ANKRD44: variants seen among roughly 807,000 people sequenced by gnomAD.
ANKRD44 encodes ankyrin repeat domain 44.
In ANKRD44, 35 loss-of-function variants were observed where a neutral mutation model predicts 116.0. That is an observed-to-expected ratio of 0.30 (90% CI 0.23 to 0.40). ANKRD44 has a LOEUF of 0.40. ANKRD44 is among the 10% of genes least tolerant of loss of function. The probability of loss-of-function intolerance (pLI) is 1.00; values close to 1 mark genes in which losing one functional copy is unlikely to be tolerated. For missense variants in ANKRD44, 1,014 were observed against 1,242.6 expected (o/e 0.82, Z 2.77); for synonymous variants, 435 against 461.8 (o/e 0.94, Z 0.74).
At chr2:197,192,453 C>T (rs763577028) in intron 1 of ANKRD44, among the ~76,000 whole-genome samples, 3 of 152,150 alleles carry the variant, frequency 2.0e-5, no homozygotes, top group Non-Finnish European at 2.9e-5. Flanking sequence ...TTTGATATTC[C>T]TAAACATCTG....
At chr2:197,076,951 C>T (rs6750248) in intron 16 of ANKRD44, among the ~76,000 whole-genome samples, 139,472 of 152,284 alleles carry the variant, frequency 0.92, 64,209 homozygotes, top group East Asian at 1. Context: ...TTGTAAATAA[C>T]GCTGCAATGA....
chr2:196,967,912 ACTCTCTCTCTCTCT>A (rs35734167), intron 21 of ANKRD44, among the ~76,000 whole-genome samples: 1 of 140,864 alleles, frequency 7.1e-6, no homozygotes, highest in Non-Finnish European at 1.5e-5. Flanking sequence ...ATGGCTTGGC[ACTCTCTCTCTCTCT>A]CTCTCTCTCT....
intron 16 of ANKRD44, among the ~76,000 whole-genome samples, chr2:197,061,397 C>T (rs566454951): frequency 6.6e-6 from 1 of 152,318 alleles, no homozygotes; most frequent in Admixed American, 6.5e-5. Context: ...AGCCCCTGCA[C>T]TGTCATGAGT....
chr2:197,047,778 T>C (rs2077029837), intron 16 of ANKRD44, among the ~76,000 whole-genome samples: 1 of 151,994 alleles, frequency 6.6e-6, no homozygotes, highest in African/African-American at 2.4e-5. Flanking sequence ...GGCATGGTGG[T>C]GTGTGCCTGT....
chr2:196,975,061 C>T (rs1022305545), intron 21 of ANKRD44, among the ~76,000 whole-genome samples: 1 of 152,038 alleles, frequency 6.6e-6, no homozygotes, highest in East Asian at 1.9e-4. Context: ...AAGTGACAAA[C>T]TTCTACCACG....
intron 3 of ANKRD44, among the ~76,000 whole-genome samples, chr2:197,145,313 A>AAATT (rs1188498102): frequency 9.2e-6 from 1 of 108,238 alleles, no homozygotes; most frequent in Non-Finnish European, 2.1e-5. Flanking sequence ...ATAAATAAAT[A>AAATT]AAATAAAATA....
At chr2:197,274,911 T>C (rs1039827429) in intron 1 of ANKRD44, among the ~76,000 whole-genome samples, 1 of 151,822 alleles carries the variant, frequency 6.6e-6, no homozygotes, top group African/African-American at 2.4e-5. Context: ...CTGGGCAATA[T>C]AGAGAAACCC....
chr2:197,036,321 T>C (rs564769158), intron 16 of ANKRD44, among the ~76,000 whole-genome samples: 1 of 152,134 alleles, frequency 6.6e-6, no homozygotes, highest in Non-Finnish European at 1.5e-5. Flanking sequence ...TGCAGTGGCA[T>C]GATCTCAGCT....
intron 1 of ANKRD44, among the ~76,000 whole-genome samples, chr2:197,257,585 T>C (rs2082483553): frequency 6.6e-6 from 1 of 152,216 alleles, no homozygotes; most frequent in Non-Finnish European, 1.5e-5. Context: ...TAAAAGAGTA[T>C]AATTGGATTA....
chr2:197,246,587 T>C (rs994450275), intron 1 of ANKRD44, among the ~76,000 whole-genome samples: 3 of 151,788 alleles, frequency 2.0e-5, no homozygotes, highest in Non-Finnish European at 4.4e-5. Flanking sequence ...CCATCTCGCT[T>C]ACACTCAACA....
intron 10 of ANKRD44, 52 bp from the exon 11 acceptor site, chr2:197,090,084 GC>G: frequency 7.3e-7 from 1 of 1,372,628 alleles, no homozygotes; most frequent in Non-Finnish European, 1.0e-6. Context: ...CAAGATACAT[GC>G]GGAAGGACAA....
Position 197,203,219 on chromosome 2 carries a change from G to A in ANKRD44, c.28-16113C>T, listed in dbSNP as rs2081133080. ...TTCATAACAACACTATTTATGACAG[G>A]AAAAATTAAAAGGGAACCAATGTCA... On this transcript the variant is annotated intron_variant, in intron 1 of 27. Transcript: ENST00000282272. The surrounding 1 kb of genome is among the most constrained non-coding windows in gnomAD (Gnocchi z 4.1). 6.6e-6 allele frequency among the ~76,000 whole-genome samples: 1 copy of A among 152,026 alleles called. No homozygotes were observed. The highest frequency in any genetic ancestry group is 6.5e-5 in the Admixed American group (1 of 15,270).
chr2:197,301,240 T>A (rs2083899452), intron 1 of ANKRD44: 2 of 152,252 alleles, frequency 1.3e-5, no homozygotes, highest in South Asian at 4.1e-4. Context: ...TTACCTGTCC[T>A]TCCCTTTTGT....
chr2:197,157,671 C>CT (rs1167826413), intron 2 of ANKRD44, among the ~76,000 whole-genome samples: 1 of 78,114 alleles, frequency 1.3e-5, no homozygotes, highest in African/African-American at 4.1e-5. Flanking sequence ...GAGTGAGACT[C>CT]TGTCAAAAAA....
At chr2:196,996,766 T>C (rs1262717973) in intron 25 of ANKRD44, among the ~76,000 whole-genome samples, 1 of 151,926 alleles carries the variant, frequency 6.6e-6, no homozygotes, top group African/African-American at 2.4e-5. Flanking sequence ...TAGCCGGGCA[T>C]GGTGGCGCAT....
intron 1 of ANKRD44, among the ~76,000 whole-genome samples, chr2:197,262,452 T>C (rs918675265): frequency 9.2e-5 from 14 of 152,232 alleles, no homozygotes; most frequent in African/African-American, 3.4e-4. Context: ...TGAACAATTT[T>C]GACCTACCCC....
intron 1 of ANKRD44, chr2:197,263,280 G>A (rs1446036301): frequency 1.6e-5 from 10 of 616,892 alleles, no homozygotes; most frequent in African/African-American, 9.5e-5. Flanking sequence ...GTCCCTGGCC[G>A]CAGCTTGGAA....
Position 196,999,038 on chromosome 2 carries a change from G to A in ANKRD44, c.2534C>T (p.Ala845Val), listed in dbSNP as rs778147827. Residue 845 changes from alanine (A) to valine (V), a missense_variant, in exon 24 of 28, where the codon GCG (alanine) becomes GTG (valine). Ala to Val is a moderately conservative substitution (Grantham distance 64). Transcript: ENST00000282272. Reference sequence around the variant, plus strand: ...CTCCACATGATCAGCAAATGCTGCCGCATGAAGGGGTGTCCTAAAGATTTA... The same window carrying A: ...CTCCACATGATCAGCAAATGCTGCCACATGAAGGGGTGTCCTAAAGATTTA... ...RDDKGRTPLH[A>V]AAFADHVECL... 4.6e-5 allele frequency: 74 copies of A among 1,613,584 alleles called. No individual in the cohort carries two copies. Among genetic ancestry groups the A allele is most frequent in the Non-Finnish European group, 3.3e-5 (39 of 1,179,864 alleles).
At chr2:197,091,345 C>T (rs1473115277) in intron 10 of ANKRD44, among the ~76,000 whole-genome samples, 6 of 152,326 alleles carry the variant, frequency 3.9e-5, no homozygotes, top group Non-Finnish European at 7.3e-5. Context: ...TTGAGAGTGG[C>T]AGGCTGAGTA....
Sources: allele counts gnomAD v4.1 joint callset (sites outside exome capture counted in the v4.1 genomes callset), GRCh38; gene constraint gnomAD v4.1.1; non-coding constraint Gnocchi (gnomAD v3.1); transcripts MANE v1.5; gene names NCBI Gene and HGNC (gene_info 2026-07-23, HGNC 2026-07-21).